TET1: variants seen among roughly 807,000 people sequenced by gnomAD.
TET1 encodes the protein tet methylcytosine dioxygenase 1, also known as methylcytosine dioxygenase TET1.
In TET1, 13 loss-of-function variants were observed where a neutral mutation model predicts 148.7. The ratio of observed to expected loss-of-function variants is 0.09; its 90% CI spans 0.06 to 0.14. TET1 has a LOEUF of 0.14. Among genes scored for constraint, TET1 ranks in the 10% least tolerant of loss-of-function variants. TET1 has a pLI of 1.00. For missense variants in TET1, 2,182 were observed against 2,553.8 expected (o/e 0.85, Z 3.14); for synonymous variants, 907 against 937.2 (o/e 0.97, Z 0.59).
chr10:68,652,728 G>C, intron 6 of TET1, 134 bp downstream of exon 6: 3 of 596,946 alleles, frequency 5.0e-6, no homozygotes, highest in Non-Finnish European at 8.0e-6. Flanking sequence ...AGGCTTTGTC[G>C]CCCCGGCTGG....
intron 9 of TET1, 124 bp downstream of exon 9, chr10:68,681,612 T>C (rs374142677): frequency 3.5e-6 from 2 of 563,692 alleles, no homozygotes; most frequent in Non-Finnish European, 6.1e-6. Context: ...CAAGCAATGC[T>C]CCTGCCTCAC....
intron 1 of TET1, among the ~76,000 whole-genome samples, chr10:68,571,351 T>C (rs1038629910): frequency 6.6e-6 from 1 of 151,836 alleles, no homozygotes; most frequent in African/African-American, 2.4e-5. Context: ...TCACCCAGGC[T>C]GGAGTGCAAT....
chr10:68,653,147 T>G (rs538096697), intron 6 of TET1, among the ~76,000 whole-genome samples: 1 of 152,120 alleles, frequency 6.6e-6, no homozygotes, highest in East Asian at 1.9e-4. Context: ...TTCATTTTCT[T>G]TTGTAGTATT....
At chr10:68,600,222 G>T (rs536097796) in intron 2 of TET1, among the ~76,000 whole-genome samples, 200 of 152,210 alleles carry the variant, frequency 1.3e-3, no homozygotes, top group African/African-American at 4.7e-3. Flanking sequence ...CCTAGGCTCA[G>T]TTATGTCTCC....
chr10:68,564,909 G>A (rs146116526), intron 1 of TET1, among the ~76,000 whole-genome samples: 75 of 152,228 alleles, frequency 4.9e-4, no homozygotes, highest in Non-Finnish European at 8.4e-4. Context: ...TGTAATTCCC[G>A]CTACCGCGGT....
At chr10:68,562,223 G>C (rs1382457851) in intron 1 of TET1, among the ~76,000 whole-genome samples, 2 of 152,048 alleles carry the variant, frequency 1.3e-5, no homozygotes, top group Non-Finnish European at 2.9e-5. Context: ...CCAATATAAA[G>C]TAAAATAAAA....
chr10:68,650,553 C>T (rs1046881422), intron 4 of TET1, among the ~76,000 whole-genome samples: 12 of 152,046 alleles, frequency 7.9e-5, no homozygotes, highest in Non-Finnish European at 1.5e-4. Flanking sequence ...ATCGCTTGAA[C>T]CCAGGAGGCG....
In TET1 at chr10:68,691,110, C is replaced by A. The variant is rs1235249445; in HGVS notation, c.5707C>A (p.Gln1903Lys). 2 of 1,614,100 alleles carry A rather than the reference C, an allele frequency of 1.2e-6. No individual in the cohort carries two copies. The highest frequency in any genetic ancestry group is 2.7e-5 in the African/African-American group (2 of 74,938). The stretch of plus-strand genomic sequence containing the variant: ...TGCTGCTGATGGCCCTGGCATTTCA[C>A]AGCTTGGCGAAGTGGCTCCTCTCCC... The part of the protein sequence containing the change: ...AAAADGPGIS[Q>K]LGEVAPLPTL... Residue 1903 changes from glutamine (Q) to lysine (K), a missense_variant, in exon 12 of 12, where the codon CAG becomes AAG. By Grantham distance (53) the Gln-to-Lys change is moderately conservative. This residue lies in a region of TET1 where 380 missense variants were observed against 387.9 expected (regional missense o/e 0.98). Coordinates refer to ENST00000373644, the MANE Select transcript of TET1 (RefSeq NM_030625.3). The surrounding 1 kb of genome is among the most constrained non-coding windows in gnomAD (Gnocchi z 4.4).
At chr10:68,660,232 A>T (rs35838990) in intron 6 of TET1, among the ~76,000 whole-genome samples, 27,685 of 152,068 alleles carry the variant, frequency 0.18, 3,145 homozygotes, top group African/African-American at 0.31. Flanking sequence ...TTTTTGCTTT[A>T]AAAAAATAAT....
intron 3 of TET1, among the ~76,000 whole-genome samples, chr10:68,637,868 C>G (rs77763424): frequency 4.0e-5 from 5 of 126,078 alleles, no homozygotes; most frequent in Admixed American, 2.5e-4. Flanking sequence ...GACTCCGTCT[C>G]AAAAAAAAAA....
At chr10:68,607,561 T>C (rs2054143331) in intron 3 of TET1, among the ~76,000 whole-genome samples, 1 of 151,776 alleles carries the variant, frequency 6.6e-6, no homozygotes, top group African/African-American at 2.4e-5. Flanking sequence ...GCCTCCCAAA[T>C]AGCTGGGATC....
chr10:68,598,718 G>T (rs75597514), intron 2 of TET1, among the ~76,000 whole-genome samples: 1 of 128,150 alleles, frequency 7.8e-6, no homozygotes, highest in Admixed American at 8.3e-5. Context: ...TTTTTTTTTG[G>T]AGACGGAGTC....
chr10:68,624,435 A>T (rs1016553626), intron 3 of TET1, among the ~76,000 whole-genome samples: 40 of 151,600 alleles, frequency 2.6e-4, no homozygotes, highest in African/African-American at 9.4e-4. Flanking sequence ...GATTACAGGC[A>T]TGCGCCACCA....
intron 2 of TET1, among the ~76,000 whole-genome samples, chr10:68,599,744 T>C (rs2054030715): frequency 6.6e-6 from 1 of 152,206 alleles, no homozygotes; most frequent in Admixed American, 6.5e-5. Flanking sequence ...CAGTTGATCT[T>C]GGGAGACAGA....
At chr10:68,659,356 C>G (rs2055071906) in intron 6 of TET1, among the ~76,000 whole-genome samples, 1 of 152,080 alleles carries the variant, frequency 6.6e-6, no homozygotes, top group South Asian at 2.1e-4. Flanking sequence ...GAGATGAAGT[C>G]TTGCTCTGTT....
intron 2 of TET1, among the ~76,000 whole-genome samples, chr10:68,599,589 G>A (rs1341943965): frequency 2.0e-5 from 3 of 152,234 alleles, no homozygotes; most frequent in African/African-American, 7.2e-5. Context: ...CCAGGTGTGT[G>A]TCGGGAGATG....
intron 2 of TET1, among the ~76,000 whole-genome samples, chr10:68,596,485 CGCTATGTAGCTTAGGCTA>C (rs2053990748): frequency 6.6e-6 from 1 of 151,960 alleles, no homozygotes; most frequent in Non-Finnish European, 1.5e-5. Flanking sequence ...GATGTGTCTC[CGCTATGTAGCTTAGGCTA>C]GCCTTGAAAT....
At chr10:68,658,628 C>G (rs2055060270) in intron 6 of TET1, among the ~76,000 whole-genome samples, 1 of 152,192 alleles carries the variant, frequency 6.6e-6, no homozygotes, top group Admixed American at 6.5e-5. Context: ...CATTAAAACT[C>G]TCACATAATT....
intron 6 of TET1, among the ~76,000 whole-genome samples, chr10:68,663,613 G>T (rs575517506): frequency 6.6e-6 from 1 of 152,260 alleles, no homozygotes; most frequent in African/African-American, 2.4e-5. Flanking sequence ...AAATAGGACT[G>T]TAGAACAATT....
Sources: gnomAD v4.1 joint callset for allele counts (sites outside exome capture counted in the v4.1 genomes callset) on GRCh38, gnomAD v4.1.1 for gene constraint, gnomAD v4.1.1 regional missense constraint, Gnocchi (gnomAD v3.1) non-coding constraint, MANE v1.5 for transcripts, NCBI Gene and HGNC (gene_info 2026-07-23, HGNC 2026-07-21) for gene names.